The following CNTN4 variants were observed in gnomAD, a reference collection of about 807,000 sequenced individuals.
CNTN4 encodes the protein contactin-4.
A neutral mutation model predicts 122.5 loss-of-function variants in CNTN4; 77 were observed. The ratio of observed to expected loss-of-function variants is 0.63; its 90% confidence interval spans 0.52 to 0.76. CNTN4 has a LOEUF of 0.76. CNTN4 is among the 30% of genes least tolerant of loss of function. The pLI is 0.00. For missense variants in CNTN4, 1,256 were observed against 1,259.1 expected, an observed-to-expected ratio of 1.00 and a Z score of 0.04; for synonymous variants, 512 against 447.0, an observed-to-expected ratio of 1.15 and a Z score of -1.83.
In CNTN4 at chr3:2,633,412, T is replaced by C. The variant is rs953530369; in HGVS notation, c.55+61854T>C. On this transcript the variant is annotated intron_variant, in intron 4 of 24. Transcript: ENST00000418658. ...GTCCAAATTCTGCTCCTGTACATGT[T>C]TAATAAACAGAGATGTCTACACATT... is the stretch of plus-strand genomic sequence containing the variant. Among the ~76,000 whole-genome samples, 49 of 152,160 alleles carry C rather than the reference T, an allele frequency of 3.2e-4. 1 individual carries two copies. Among genetic ancestry groups the C allele is most frequent in the African/African-American group, 1.2e-3 (48 of 41,446 alleles).
rs367606924 is a variant in CNTN4 at position 2,943,630 on chromosome 3, AT to A, written c.1358+17863del. Among the ~76,000 whole-genome samples the A allele has an allele frequency of 4.6e-3, 591 of 128,220 alleles. 1 individual carries two copies. Among genetic ancestry groups the A allele is most frequent in the African/African-American group, 0.016 (547 of 33,870 alleles). 84.1% of individuals were successfully genotyped at this position (128,220 alleles called of 152,430 possible). A position where few individuals can be genotyped will look rare whatever the true frequency, so the allele number is the denominator to read the frequency against. On this transcript the variant is annotated intron_variant, in intron 13 of 24. Transcript: ENST00000418658. ...AATATATTTATATATATATATATAT[AT>A]TTTTTTTTTTTGAGACGGAGTCTTG...
chr3:2,152,033 T>C (rs2035514553), intron 2 of CNTN4, among the ~76,000 whole-genome samples: 1 of 152,198 alleles, frequency 6.6e-6, no homozygotes, highest in Admixed American at 6.5e-5. Flanking sequence ...AAAATGTTTG[T>C]ATGCAGGGAG....
chr3:2,840,295 C>T (rs751598667), intron 7 of CNTN4, among the ~76,000 whole-genome samples: 2 of 152,074 alleles, frequency 1.3e-5, no homozygotes, highest in Non-Finnish European at 2.9e-5. Flanking sequence ...AGAATTTTAA[C>T]CCGTTACCCA....
At chr3:2,947,682 A>T (rs139505128) in intron 13 of CNTN4, among the ~76,000 whole-genome samples, 139 of 152,266 alleles carry the variant, frequency 9.1e-4, no homozygotes, top group African/African-American at 3.2e-3. Context: ...GCAGGTTGTC[A>T]ATTAACCCTC....
At chr3:2,825,647 C>A (rs1297171603) in intron 7 of CNTN4, among the ~76,000 whole-genome samples, 1 of 152,120 alleles carries the variant, frequency 6.6e-6, no homozygotes, top group Non-Finnish European at 1.5e-5. Flanking sequence ...TATGATCACA[C>A]CACTGCTCTC....
At chr3:2,263,024 G>A (rs921687448) in intron 2 of CNTN4, among the ~76,000 whole-genome samples, 3 of 152,058 alleles carry the variant, frequency 2.0e-5, no homozygotes, top group Non-Finnish European at 2.9e-5. Context: ...CAACTGTGCT[G>A]GTTAATTCTA....
intron 4 of CNTN4, among the ~76,000 whole-genome samples, chr3:2,576,101 C>T (rs1183615087): frequency 1.3e-5 from 2 of 152,276 alleles, no homozygotes; most frequent in South Asian, 2.1e-4. Context: ...TCCCAGAGTG[C>T]TGGAATTACA....
At chr3:2,428,114 A>G (rs567363966) in intron 3 of CNTN4, among the ~76,000 whole-genome samples, 13 of 152,248 alleles carry the variant, frequency 8.5e-5, no homozygotes, top group African/African-American at 2.6e-4. Context: ...TCCTGTCATT[A>G]TGATGTTAGC....
intron 2 of CNTN4, among the ~76,000 whole-genome samples, chr3:2,185,489 C>A (rs1287918971): frequency 6.6e-6 from 1 of 152,076 alleles, no homozygotes; most frequent in Non-Finnish European, 1.5e-5. Context: ...CTTGCTACCC[C>A]AGGGCACTTT....
At chr3:3,009,483 G>C (rs1301366780) in intron 14 of CNTN4, among the ~76,000 whole-genome samples, 1 of 151,732 alleles carries the variant, frequency 6.6e-6, no homozygotes, top group Non-Finnish European at 1.5e-5. Context: ...GCCCAGGCTG[G>C]AGTGCAGTGG....
In CNTN4 at chr3:2,672,078, G is replaced by C. The variant is rs944253250; in HGVS notation, c.56-64137G>C. 2.6e-5 allele frequency among the ~76,000 whole-genome samples: 4 copies of C among 152,230 alleles called. No individual in the cohort carries two copies. In the South Asian group the frequency reaches 8.3e-4, roughly 32 times the overall value. ...CAGGGGTCAGGGACCCACTTGAGGA[G>C]GCAGTCTGTCTGTTCTCAGATCTCA... On this transcript the variant is annotated intron_variant, in intron 4 of 24. Coordinates refer to ENST00000418658, the MANE Select transcript of CNTN4 (RefSeq NM_175607.3).
chr3:2,239,301 A>G (rs1240454581), intron 2 of CNTN4, among the ~76,000 whole-genome samples: 1 of 152,196 alleles, frequency 6.6e-6, no homozygotes, highest in Non-Finnish European at 1.5e-5. Flanking sequence ...CTTAAAAAGG[A>G]TTACTGACCA....
At chr3:2,691,332 CAA>C (rs1349260461) in intron 4 of CNTN4, among the ~76,000 whole-genome samples, 3 of 151,976 alleles carry the variant, frequency 2.0e-5, no homozygotes, top group African/African-American at 4.8e-5. Context: ...GGTGTAATAA[CAA>C]AGAGTCTGAA....
At chr3:2,407,840 A>C (rs1211114893) in intron 3 of CNTN4, among the ~76,000 whole-genome samples, 1 of 152,224 alleles carries the variant, frequency 6.6e-6, no homozygotes, top group Non-Finnish European at 1.5e-5. Context: ...TACTACATAA[A>C]ATAAATCTTC....
intron 4 of CNTN4, among the ~76,000 whole-genome samples, chr3:2,580,838 G>A (rs560919156): frequency 2.3e-4 from 35 of 152,204 alleles, no homozygotes; most frequent in African/African-American, 8.2e-4. Flanking sequence ...CTCTGGGAGA[G>A]GTATTATCCT....
At chr3:2,572,777 C>G (rs11718551) in intron 4 of CNTN4, among the ~76,000 whole-genome samples, 21,375 of 152,194 alleles carry the variant, frequency 0.14, 1,729 homozygotes, top group Non-Finnish European at 0.18. Flanking sequence ...CTGATCAAAA[C>G]AGACATGCTA....
Position 2,909,967 on chromosome 3 carries a change from T to C in CNTN4, c.1207+6962T>C, listed in dbSNP as rs1000197884. ...TTGTTTTTAAAAATTGAACATAGTC[T>C]CCCTACCAAAACATCTGATTTTGGA... On this transcript the variant is annotated intron_variant, in intron 12 of 24. Coordinates refer to ENST00000418658, the MANE Select transcript of CNTN4 (RefSeq NM_175607.3). Among the ~76,000 whole-genome samples the C allele has an allele frequency of 4.6e-5, 7 of 152,268 alleles. No individual in the cohort carries two copies. In the East Asian group the frequency reaches 5.8e-4, roughly 13 times the overall value.
intron 3 of CNTN4, among the ~76,000 whole-genome samples, chr3:2,551,044 A>G (rs2078482327): frequency 6.6e-6 from 1 of 152,044 alleles, no homozygotes; most frequent in African/African-American, 2.4e-5. Flanking sequence ...TGGCACGTGT[A>G]TACCTATGTA....
intron 14 of CNTN4, among the ~76,000 whole-genome samples, chr3:2,991,737 T>A (rs1695070069): frequency 6.6e-6 from 1 of 152,198 alleles, no homozygotes; most frequent in African/African-American, 2.4e-5. Context: ...CCGCATGAAC[T>A]GTGCCAAGTC....
Sources: allele counts gnomAD v4.1 joint callset (sites outside exome capture counted in the v4.1 genomes callset), GRCh38; gene constraint gnomAD v4.1.1; transcripts MANE v1.5; gene names NCBI Gene and HGNC (gene_info 2026-07-23, HGNC 2026-07-21).